DGKH: variants seen among roughly 807,000 people sequenced by gnomAD.
The protein encoded by DGKH is diacylglycerol kinase eta, also known as DAG kinase eta.
In DGKH, 90 loss-of-function variants were observed where a neutral mutation model predicts 159.3. That is an observed-to-expected ratio of 0.57 (90% confidence interval 0.48 to 0.67). DGKH has a LOEUF of 0.67. DGKH is among the 30% of genes least tolerant of loss of function. The pLI is 0.00. For missense variants in DGKH, 1,181 were observed against 1,506.1 expected, an observed-to-expected ratio of 0.78 and a Z score of 3.57; for synonymous variants, 536 against 553.8, an observed-to-expected ratio of 0.97 and a Z score of 0.45.
At chr13:42,085,292 TA>T (rs1954280854) in intron 1 of DGKH, among the ~76,000 whole-genome samples, 1 of 150,276 alleles carries the variant, frequency 6.7e-6, no homozygotes. Flanking sequence ...CAAAATAGTT[TA>T]TGGATTCCCT....
At chr13:42,109,425 A>T (rs1954817910) in intron 1 of DGKH, among the ~76,000 whole-genome samples, 1 of 152,258 alleles carries the variant, frequency 6.6e-6, no homozygotes, top group Non-Finnish European at 1.5e-5. Context: ...ACCTCTGTGC[A>T]TGATGGAGAT....
rs1958332876 is a variant in DGKH, at chr13:42,232,907, T to TG, written c.*3721dup. ...GACTCAGGAGGCTTAGGAGGGAAGATGGCTTCAGGCCAGGAGTTTGAGACC... is the reference window on the plus strand; with the variant it reads ...GACTCAGGAGGCTTAGGAGGGAAGATGGGCTTCAGGCCAGGAGTTTGAGACC... On this transcript the variant is annotated 3_prime_UTR_variant, in exon 30 of 30. Coordinates refer to ENST00000337343, the MANE Select transcript of DGKH (RefSeq NM_178009.5). 6.6e-6 allele frequency: 1 copy of TG among 152,216 alleles called. No individual in the cohort carries two copies. The highest frequency in any genetic ancestry group is 6.5e-5 in the Admixed American group (1 of 15,274). 9.4% of individuals were successfully genotyped at this position (152,216 alleles called of 1,614,324 possible).
At chr13:42,198,243 T>C (rs1957252856) in intron 17 of DGKH, among the ~76,000 whole-genome samples, 1 of 152,222 alleles carries the variant, frequency 6.6e-6, no homozygotes, top group South Asian at 2.1e-4. Flanking sequence ...CCTATTTAGG[T>C]CCTCCTCTCC....
chr13:42,079,036 G>A (rs1450676981), intron 1 of DGKH, among the ~76,000 whole-genome samples: 2 of 146,040 alleles, frequency 1.4e-5, no homozygotes, highest in Admixed American at 7.0e-5. Context: ...TCAGCCTCCC[G>A]AGTAGCTGGG....
At chr13:42,092,914 G>A (rs1954448254) in intron 1 of DGKH, among the ~76,000 whole-genome samples, 1 of 151,980 alleles carries the variant, frequency 6.6e-6, no homozygotes, top group Non-Finnish European at 1.5e-5. Context: ...AATTTAAGAA[G>A]AAGGTATACA....
chr13:42,094,567 C>G (rs1283545805), intron 1 of DGKH, among the ~76,000 whole-genome samples: 1 of 152,098 alleles, frequency 6.6e-6, no homozygotes, highest in East Asian at 1.9e-4. Flanking sequence ...TTTTATCTTC[C>G]TATTTCTCAC....
intron 1 of DGKH, among the ~76,000 whole-genome samples, chr13:42,122,759 A>G (rs1226160837): frequency 6.6e-6 from 1 of 152,194 alleles, no homozygotes; most frequent in Non-Finnish European, 1.5e-5. Context: ...CTGTTAGCGT[A>G]TCTTGTCATT....
At chr13:42,098,486 C>CAAAA (rs201346298) in intron 1 of DGKH, among the ~76,000 whole-genome samples, 1 of 142,292 alleles carries the variant, frequency 7.0e-6, no homozygotes, top group African/African-American at 2.6e-5. Context: ...GACTCTGTCT[C>CAAAA]AAAAAAAAAA....
At chr13:42,188,999 T>G in intron 14 of DGKH, 37 bp from the exon 15 acceptor site, 1 of 1,587,892 alleles carries the variant, frequency 6.3e-7, no homozygotes, top group Non-Finnish European at 8.6e-7. Context: ...CTTGATTCTT[T>G]TTGAGTATTT....
chr13:42,187,667 C>A (rs986850414), intron 14 of DGKH, among the ~76,000 whole-genome samples: 2 of 152,178 alleles, frequency 1.3e-5, no homozygotes, highest in African/African-American at 4.8e-5. Flanking sequence ...TGAGCCACCA[C>A]ACCTGGCCAT....
rs1438194212 is a variant in DGKH at position 42,233,179 on chromosome 13, C to T, written c.*3991C>T. The T allele has an allele frequency of 1.3e-5, 2 of 152,222 alleles. No individual in the cohort carries two copies. Among genetic ancestry groups the T allele is most frequent in the Non-Finnish European group, 2.9e-5 (2 of 68,058 alleles). The allele number at this position is 152,222 out of a possible 1,614,324, so 9.4% of individuals were successfully genotyped here. ...AAACTCCATTTCTCAGTTGCACTAA[C>T]TACATTTCAAGTGTTCAGTAACCAT... On this transcript the variant is annotated 3_prime_UTR_variant, in exon 30 of 30. Transcript: ENST00000337343.
chr13:42,151,478 GGTGTGTGTGTGT>G (rs143470293), intron 3 of DGKH, among the ~76,000 whole-genome samples: 1 of 126,322 alleles, frequency 7.9e-6, no homozygotes, highest in Non-Finnish European at 1.6e-5. Flanking sequence ...AGTATTCCAT[GGTGTGTGTGTGT>G]GTGTGTGTGT....
chr13:42,158,792 T>G (rs1231297977), intron 5 of DGKH, among the ~76,000 whole-genome samples: 1 of 152,202 alleles, frequency 6.6e-6, no homozygotes, highest in Non-Finnish European at 1.5e-5. Context: ...CGTACTGACA[T>G]TTTCAGACTT....
At chr13:42,193,532 T>C (rs140425840) in intron 16 of DGKH, among the ~76,000 whole-genome samples, 1 of 151,868 alleles carries the variant, frequency 6.6e-6, no homozygotes, top group Non-Finnish European at 1.5e-5. Flanking sequence ...ATGTCTGAGA[T>C]GTGAGAAATA....
intron 3 of DGKH, among the ~76,000 whole-genome samples, chr13:42,144,706 A>G (rs1230072056): frequency 6.6e-6 from 1 of 152,048 alleles, no homozygotes; most frequent in Non-Finnish European, 1.5e-5. Context: ...GAAAGAAAGA[A>G]AAGAAAGGGG....
intron 20 of DGKH, among the ~76,000 whole-genome samples, chr13:42,204,007 G>A (rs1957403326): frequency 6.6e-6 from 1 of 152,048 alleles, no homozygotes; most frequent in Non-Finnish European, 1.5e-5. Flanking sequence ...CTATGAAATG[G>A]ACATTAAGCA....
At chr13:42,071,149 G>A (rs1327669094) in intron 1 of DGKH, 4 of 608,240 alleles carry the variant, frequency 6.6e-6, no homozygotes, top group East Asian at 3.1e-5. Context: ...GTGTAAACAA[G>A]GAAGAAAACT....
At chr13:42,174,207 A>G in intron 12 of DGKH, 63 bp downstream of exon 12, 2 of 1,302,802 alleles carry the variant, frequency 1.5e-6, no homozygotes, top group Non-Finnish European at 2.2e-6. Context: ...AAAAAAAAAG[A>G]AAGAGAGAGA....
In DGKH at chr13:42,219,341, G is replaced by A. The variant is rs1384546537; in HGVS notation, c.3325G>A (p.Glu1109Lys). The stretch of plus-strand genomic sequence containing the variant: ...GCTTTATTATATCTTACACCCAAAT[G>A]AGGATGAGGTATGTAAAATTCAGCC... ...PWLYYILHPNEDEEPPMDCTK... is the reference protein window; with the variant it reads ...PWLYYILHPNKDEEPPMDCTK... The change falls in exon 27 of 30, where the codon GAG (glutamate) becomes AAG (lysine). Residue 1109 changes from glutamate (E) to lysine (K), a missense_variant. Glu to Lys is a moderately conservative substitution (Grantham distance 56). Transcript: ENST00000337343. 1.2e-6 allele frequency: 2 copies of A among 1,613,636 alleles called. No homozygotes were observed. The highest frequency in any genetic ancestry group is 1.7e-6 in the Non-Finnish European group (2 of 1,179,806).
Sources: gnomAD v4.1 joint callset for allele counts (sites outside exome capture counted in the v4.1 genomes callset) on GRCh38, gnomAD v4.1.1 for gene constraint, MANE v1.5 for transcripts, NCBI Gene and HGNC (gene_info 2026-07-23, HGNC 2026-07-21) for gene names.